NUBPL: variants seen among roughly 807,000 people sequenced by gnomAD.
NUBPL encodes the protein NUBP iron-sulfur cluster assembly factor, mitochondrial.
In NUBPL, 31 loss-of-function variants were observed where a neutral mutation model predicts 45.7. That is an observed-to-expected ratio of 0.68 (90% confidence interval 0.51 to 0.92). The LOEUF (loss-of-function observed/expected upper bound fraction) is 0.92, where lower values mean the gene tolerates loss of function less well. Ranked by LOEUF, NUBPL falls within the 40% of genes least tolerant of loss-of-function variation. The probability of loss-of-function intolerance (pLI) is 0.00; values close to 1 mark genes in which losing one functional copy is unlikely to be tolerated. For synonymous variants in NUBPL, 144 were observed against 140.9 expected (o/e 1.02, Z -0.15); for missense variants, 401 against 398.7 (o/e 1.01, Z -0.05).
rs557010779 is a variant in NUBPL at position 31,783,139 on chromosome 14, A to G, written c.514-4641A>G. On this transcript the variant is annotated intron_variant, in intron 6 of 10. Coordinates refer to ENST00000281081, the MANE Select transcript of NUBPL (RefSeq NM_025152.3). ...GAAATGCTCAAATCCATCTCCCTGAACTGGGGGCTGGTCAGCTTTTATAAG... is the reference window on the plus strand; with the variant it reads ...GAAATGCTCAAATCCATCTCCCTGAGCTGGGGGCTGGTCAGCTTTTATAAG... Among the ~76,000 whole-genome samples, 7 of 152,296 alleles carry G rather than the reference A, an allele frequency of 4.6e-5. No homozygotes were observed. The South Asian group carries it at 1.4e-3, about 32-fold the overall frequency.
intron 6 of NUBPL, among the ~76,000 whole-genome samples, chr14:31,775,490 G>A (rs1303755028): frequency 1.3e-5 from 2 of 152,078 alleles, no homozygotes; most frequent in Non-Finnish European, 2.9e-5. Context: ...GGTAATAATG[G>A]TCATGTGTTA....
intron 4 of NUBPL, among the ~76,000 whole-genome samples, chr14:31,623,531 G>A (rs2035124085): frequency 6.6e-6 from 1 of 152,168 alleles, no homozygotes; most frequent in African/African-American, 2.4e-5. Flanking sequence ...CTGATGGAAG[G>A]TGATTGGATC....
intron 3 of NUBPL, among the ~76,000 whole-genome samples, chr14:31,598,009 A>G (rs140333764): frequency 2.0e-4 from 30 of 152,252 alleles, no homozygotes; most frequent in African/African-American, 6.5e-4. Flanking sequence ...TAAATCTGAT[A>G]CCTAAATGCA....
At chr14:31,729,280 CCCCCCCCCA>C (rs1393715887) in intron 6 of NUBPL, among the ~76,000 whole-genome samples, 1 of 133,826 alleles carries the variant, frequency 7.5e-6, no homozygotes, top group Non-Finnish European at 1.6e-5. Context: ...CTCCATCCCC[CCCCCCCCCA>C]AAAAAAAAGT....
intron 6 of NUBPL, among the ~76,000 whole-genome samples, chr14:31,678,254 G>A (rs920904313): frequency 6.6e-6 from 1 of 152,176 alleles, no homozygotes; most frequent in African/African-American, 2.4e-5. Flanking sequence ...AAGAGCCAAG[G>A]GACCTAGGAC....
chr14:31,756,504 C>T (rs1169193342), intron 6 of NUBPL, among the ~76,000 whole-genome samples: 1 of 151,976 alleles, frequency 6.6e-6, no homozygotes, highest in Non-Finnish European at 1.5e-5. Flanking sequence ...CTCTGTTTGT[C>T]TGTTATTGCT....
chr14:31,562,192 G>A lies in NUBPL; in HGVS notation c.233G>A (p.Gly78Glu). Residue 78 changes from glycine (G) to glutamate (E), a missense_variant, in exon 2 of 11, where the codon GGA becomes GAA. Physicochemically the swap from Gly to Glu is moderately conservative, Grantham distance 98. Transcript: ENST00000281081. The stretch of plus-strand genomic sequence containing the variant: ...ATAGTTGTGGCTTCTGGAAAGGGTG[G>A]AGTCGGAAAATCTACTACAGCAGGT... ...QVIVVASGKGGVGKSTTAVNL... is the reference protein window; with the variant it reads ...QVIVVASGKGEVGKSTTAVNL... The A allele has an allele frequency of 3.7e-6, 6 of 1,614,078 alleles. No individual in the cohort carries two copies. The highest frequency in any genetic ancestry group is 5.1e-6 in the Non-Finnish European group (6 of 1,179,976).
At chr14:31,602,419 A>G (rs2034466078) in intron 4 of NUBPL, among the ~76,000 whole-genome samples, 1 of 150,166 alleles carries the variant, frequency 6.7e-6, no homozygotes, top group South Asian at 2.1e-4. Flanking sequence ...AAAAAAGCAG[A>G]CATGGAAGAC....
intron 7 of NUBPL, among the ~76,000 whole-genome samples, chr14:31,809,268 G>T (rs61430952): frequency 0.038 from 5,784 of 152,222 alleles, 255 homozygotes; most frequent in African/African-American, 0.11. Context: ...CGGTTGGTAG[G>T]CTATTAATTA....
chr14:31,569,031 T>A (rs2139456733), intron 3 of NUBPL, among the ~76,000 whole-genome samples: 1 of 152,330 alleles, frequency 6.6e-6, no homozygotes, highest in East Asian at 1.9e-4. Flanking sequence ...ACAAATATAT[T>A]AACATATTGA....
intron 4 of NUBPL, among the ~76,000 whole-genome samples, chr14:31,632,457 G>A (rs749627290): frequency 7.7e-4 from 117 of 152,308 alleles, no homozygotes; most frequent in Middle Eastern, 3.4e-3. Context: ...CCCCTGGGGC[G>A]GCAGCGGGCA....
At chr14:31,825,285 A>G (rs2040078746) in intron 7 of NUBPL, among the ~76,000 whole-genome samples, 2 of 152,004 alleles carry the variant, frequency 1.3e-5, no homozygotes, top group South Asian at 4.2e-4. Flanking sequence ...TTCCCCTTCC[A>G]TCTGTCATAC....
chr14:31,774,572 G>A (rs928095734), intron 6 of NUBPL, among the ~76,000 whole-genome samples: 23 of 152,024 alleles, frequency 1.5e-4, no homozygotes, highest in Admixed American at 3.9e-4. Context: ...TCTTTATAAC[G>A]GATGTCCTGA....
chr14:31,737,129 A>T (rs1451424834), intron 6 of NUBPL, among the ~76,000 whole-genome samples: 1 of 151,916 alleles, frequency 6.6e-6, no homozygotes, highest in Admixed American at 6.6e-5. Context: ...TGCTTAATGG[A>T]GTCTTTTGCT....
chr14:31,790,940 T>G (rs966783830), intron 7 of NUBPL, among the ~76,000 whole-genome samples: 4 of 151,996 alleles, frequency 2.6e-5, no homozygotes, highest in Non-Finnish European at 5.9e-5. Flanking sequence ...ATTTTTTACA[T>G]TAAAGGAAGA....
chr14:31,683,217 C>G (rs767378884), intron 6 of NUBPL, among the ~76,000 whole-genome samples: 1 of 151,524 alleles, frequency 6.6e-6, no homozygotes, highest in Non-Finnish European at 1.5e-5. Flanking sequence ...ACTATAGCAC[C>G]CTGTAACAAT....
intron 3 of NUBPL, among the ~76,000 whole-genome samples, chr14:31,595,752 C>T (rs912142466): frequency 6.6e-6 from 1 of 152,154 alleles, no homozygotes; most frequent in Non-Finnish European, 1.5e-5. Flanking sequence ...GTTTATTTGG[C>T]ACCTTTTGAA....
chr14:31,834,958 T>C (rs1308431985), intron 8 of NUBPL, among the ~76,000 whole-genome samples: 1 of 152,166 alleles, frequency 6.6e-6, no homozygotes, highest in Non-Finnish European at 1.5e-5. Flanking sequence ...TGACAGAATC[T>C]AGGGTATAAG....
chr14:31,646,324 T>A (rs1566473538), intron 4 of NUBPL, among the ~76,000 whole-genome samples: 1 of 151,958 alleles, frequency 6.6e-6, no homozygotes, highest in Non-Finnish European at 1.5e-5. Context: ...GTAGCTGGGA[T>A]TACAGGCACC....
Sources: gnomAD v4.1 joint callset for allele counts (sites outside exome capture counted in the v4.1 genomes callset) on GRCh38, gnomAD v4.1.1 for gene constraint, MANE v1.5 for transcripts, NCBI Gene and HGNC (gene_info 2026-07-23, HGNC 2026-07-21) for gene names.